SOX5: variants seen among roughly 807,000 people sequenced by gnomAD.
SOX5 encodes the protein SRY-box transcription factor 5, also known as transcription factor SOX-5.
In SOX5, 9 loss-of-function variants were observed where a neutral mutation model predicts 92.0. That is an observed-to-expected ratio of 0.10 (90% confidence interval 0.06 to 0.17). The LOEUF (loss-of-function observed/expected upper bound fraction) is 0.17. Among genes scored for constraint, SOX5 ranks in the 10% least tolerant of loss-of-function variants. The pLI, the probability that SOX5 is intolerant of heterozygous loss-of-function variation, is 1.00. For synonymous variants in SOX5, 344 were observed against 336.3 expected, an observed-to-expected ratio of 1.02 and a Z score of -0.25; for missense variants, 642 against 944.5, an observed-to-expected ratio of 0.68 and a Z score of 4.20.
chr12:23,576,973 T>C (rs1949216019), intron 9 of SOX5, among the ~76,000 whole-genome samples: 1 of 151,044 alleles, frequency 6.6e-6, no homozygotes, highest in South Asian at 2.1e-4. Context: ...ACAGGATTTG[T>C]TGAAAGTAGA....
At chr12:23,620,133 G>A (rs2077004006) in intron 8 of SOX5, among the ~76,000 whole-genome samples, 2 of 152,056 alleles carry the variant, frequency 1.3e-5, no homozygotes, top group Admixed American at 1.3e-4. Context: ...TCAGAAGGAT[G>A]AGCTGATATA....
At chr12:24,473,047 T>C (rs2137663348) in intron 1 of SOX5, among the ~76,000 whole-genome samples, 1 of 152,256 alleles carries the variant, frequency 6.6e-6, no homozygotes, top group South Asian at 2.1e-4. Context: ...GTACATTGAC[T>C]ACTCAAAAAC....
intron 3 of SOX5, among the ~76,000 whole-genome samples, chr12:24,254,166 T>C (rs1940705747): frequency 6.6e-6 from 1 of 152,232 alleles, no homozygotes; most frequent in South Asian, 2.1e-4. Flanking sequence ...AATACATTCT[T>C]AGTACCACTG....
chr12:24,427,425 C>T (rs117151879), intron 1 of SOX5, among the ~76,000 whole-genome samples: 1,616 of 152,252 alleles, frequency 0.011, 12 homozygotes, highest in Middle Eastern at 0.024. Flanking sequence ...TTTTTCTCTT[C>T]TTGAGTCACC....
intron 4 of SOX5, among the ~76,000 whole-genome samples, chr12:24,000,397 C>G (rs1269515488): frequency 6.6e-6 from 1 of 151,682 alleles, no homozygotes; most frequent in Non-Finnish European, 1.5e-5. Flanking sequence ...TAAATATATA[C>G]TGTAATAATA....
chr12:24,016,675 C>T (rs527920293), intron 4 of SOX5, among the ~76,000 whole-genome samples: 1 of 152,294 alleles, frequency 6.6e-6, no homozygotes, highest in East Asian at 1.9e-4. Flanking sequence ...TATATCACAA[C>T]CCCAAAGAGT....
chr12:23,861,066 A>G (rs183311111), intron 2 of SOX5, among the ~76,000 whole-genome samples: 2 of 152,104 alleles, frequency 1.3e-5, no homozygotes, highest in African/African-American at 4.8e-5. Flanking sequence ...CTAGAACAAC[A>G]AAGTAAGAAT....
intron 2 of SOX5, among the ~76,000 whole-genome samples, chr12:23,857,611 T>C (rs1202369244): frequency 3.9e-5 from 6 of 152,268 alleles, no homozygotes; most frequent in Non-Finnish European, 5.9e-5. Flanking sequence ...GTTACTTCTA[T>C]AGGGACAATG....
At chr12:23,604,619 A>G (rs2075006781) in intron 8 of SOX5, 86 bp from the exon 9 acceptor site, 4 of 1,336,636 alleles carry the variant, frequency 3.0e-6, no homozygotes, top group Admixed American at 3.9e-5. Flanking sequence ...ATATTCAGAT[A>G]TGGTATTTTT....
At chr12:24,107,384 C>A (rs531747299) in intron 4 of SOX5, among the ~76,000 whole-genome samples, 70 of 152,264 alleles carry the variant, frequency 4.6e-4, no homozygotes, top group African/African-American at 1.7e-3. Context: ...GAATATACCT[C>A]ATTTATAAAT....
chr12:24,523,309 A>T (rs1485572089), intron 1 of SOX5, among the ~76,000 whole-genome samples: 2 of 152,318 alleles, frequency 1.3e-5, no homozygotes, highest in Middle Eastern at 3.4e-3. Context: ...AAGTGTCCAT[A>T]CTACCCAAAA....
chr12:23,689,675 CTGCTGTT>C (rs770710178), intron 6 of SOX5, among the ~76,000 whole-genome samples: 13 of 152,106 alleles, frequency 8.5e-5, no homozygotes, highest in Non-Finnish European at 1.5e-4. Flanking sequence ...ATCACCTCAT[CTGCTGTT>C]TGAGCTTTGT....
intron 1 of SOX5, among the ~76,000 whole-genome samples, chr12:23,940,045 A>G (rs146775135): frequency 0.01 from 1,517 of 150,908 alleles, 18 homozygotes; most frequent in African/African-American, 0.034. Context: ...GATTCTTCAT[A>G]TTTTTTCTTT....
At chr12:24,474,091 T>C (rs1253442765) in intron 1 of SOX5, among the ~76,000 whole-genome samples, 1 of 152,216 alleles carries the variant, frequency 6.6e-6, no homozygotes, top group Non-Finnish European at 1.5e-5. Context: ...TAAATGATTG[T>C]TATCTTAAGG....
chr12:24,006,183 A>T (rs1193443131), intron 4 of SOX5, among the ~76,000 whole-genome samples: 1 of 152,186 alleles, frequency 6.6e-6, no homozygotes, highest in Admixed American at 6.5e-5. Context: ...CACATAAAGA[A>T]GGTCCTCATC....
intron 6 of SOX5, among the ~76,000 whole-genome samples, chr12:23,682,407 A>C (rs1250300954): frequency 6.7e-6 from 1 of 150,302 alleles, no homozygotes; most frequent in Non-Finnish European, 1.5e-5. Flanking sequence ...TTCCATTAAA[A>C]ATACAATTTG....
chr12:23,622,916 CACCTCTTTTTTAACTTGAT>C (rs2077352240), intron 8 of SOX5, among the ~76,000 whole-genome samples: 1 of 152,004 alleles, frequency 6.6e-6, no homozygotes, highest in Admixed American at 6.6e-5. Flanking sequence ...AAACTTTTGC[CACCTCTTTTTTAACTTGAT>C]ACCTTTCCAG....
intron 3 of SOX5, among the ~76,000 whole-genome samples, chr12:23,830,636 C>T (rs1307009522): frequency 1.3e-5 from 2 of 152,084 alleles, no homozygotes; most frequent in Non-Finnish European, 2.9e-5. Context: ...TTTTTCCCAC[C>T]CCATCAAATG....
At chr12:24,251,346 T>A (rs544888068) in intron 3 of SOX5, among the ~76,000 whole-genome samples, 1 of 152,190 alleles carries the variant, frequency 6.6e-6, no homozygotes. Context: ...ACTGATAAGA[T>A]TCAGCATGGC....
Sources: allele counts gnomAD v4.1 joint callset (sites outside exome capture counted in the v4.1 genomes callset), GRCh38; gene constraint gnomAD v4.1.1; transcripts MANE v1.5; gene names NCBI Gene and HGNC (gene_info 2026-07-23, HGNC 2026-07-21).